Variants in SAMD11 observed in about 807,000 individuals in gnomAD.
SAMD11 encodes the protein sterile alpha motif domain containing 11, also known as sterile alpha motif domain-containing protein 11.
Under a neutral mutation model 64.4 loss-of-function variants are expected in SAMD11, and 77 were observed. The ratio of observed to expected loss-of-function variants is 1.20; its 90% CI spans 0.99 to 1.44. The LOEUF (loss-of-function observed/expected upper bound fraction) is 1.44, where lower values mean the gene tolerates loss of function less well. Ranked by LOEUF, SAMD11 falls within the 40% of genes most tolerant of loss-of-function variation. The pLI, the probability that SAMD11 is intolerant of heterozygous loss-of-function variation, is 0.00. For synonymous variants in SAMD11, 658 were observed against 421.9 expected, an observed-to-expected ratio of 1.56 and a Z score of -6.86; for missense variants, 1,402 against 943.3, an observed-to-expected ratio of 1.49 and a Z score of -6.37.
chr1:943,719 G>C lies in SAMD11; in HGVS notation c.2200G>C (p.Asp734His), dbSNP rs750549982. ...YTRVFREQGI[D>H]GETLPLLTEE... ...CCAGGTCTTCAGGGAGCAGGGGATCGACGGGGAGACCCTGCCACTGCTGAC... is the reference window on the plus strand; with the variant it reads ...CCAGGTCTTCAGGGAGCAGGGGATCCACGGGGAGACCCTGCCACTGCTGAC... Residue 734 changes from aspartate to histidine, a missense_variant, in exon 13 of 14, where the codon GAC (aspartate) becomes CAC (histidine). Coordinates refer to ENST00000616016, the MANE Select transcript of SAMD11 (RefSeq NM_001385641.1). 6.3e-6 allele frequency: 10 copies of C among 1,593,884 alleles called. No homozygotes were observed. Among genetic ancestry groups the C allele is most frequent in the East Asian group, 4.5e-5 (2 of 44,494 alleles).
rs140751899 is a variant in SAMD11, at chr1:930,282, G to T, written c.737G>T (p.Arg246Leu). The T allele has an allele frequency of 6.2e-7, 1 of 1,608,532 alleles. No homozygotes were observed. Among genetic ancestry groups the T allele is most frequent in the East Asian group, 2.2e-5 (1 of 44,718 alleles). ...DSDGSGPTCG[R>L]RPGLKQEDGP... ...GACGGGAGTGGCCCCACCTGTGGGC[G>T]GCGGCCAGGCTTGAAGCAGGAGGAT... is the stretch of plus-strand genomic sequence containing the variant. Residue 246 changes from arginine to leucine, a missense_variant, in exon 3 of 14, where the codon CGG becomes CTG. Coordinates refer to ENST00000616016, the MANE Select transcript of SAMD11 (RefSeq NM_001385641.1).
chr1:928,050 C>T (rs1312705352), intron 2 of SAMD11, among the ~76,000 whole-genome samples: 1 of 152,248 alleles, frequency 6.6e-6, no homozygotes, highest in Non-Finnish European at 1.5e-5. Context: ...TCTTCCCCAT[C>T]CCACAGACAA....
intron 2 of SAMD11, among the ~76,000 whole-genome samples, chr1:929,850 C>A (rs967870786): frequency 6.6e-6 from 1 of 152,146 alleles, no homozygotes; most frequent in African/African-American, 2.4e-5. Context: ...TGGGGTGGGG[C>A]AGGGGAGGGC....
intron 2 of SAMD11, among the ~76,000 whole-genome samples, chr1:927,845 G>T (rs1213061485): frequency 6.6e-6 from 1 of 152,252 alleles, no homozygotes; most frequent in African/African-American, 2.4e-5. Flanking sequence ...CAGGGAAGCT[G>T]TCCTGGTCCT....
Position 943,402 on chromosome 1 carries a change from G to T in SAMD11, c.2178+25G>T, listed in dbSNP as rs1641932947. On this transcript the variant is annotated intron_variant, in intron 12 of 13. Coordinates refer to ENST00000616016, the MANE Select transcript of SAMD11 (RefSeq NM_001385641.1). ...GGTAAGGGGGGGCCCCAGTTCCTGG[G>T]GCGGGGCTGGAGCTGGCTGGCAGTC... is the stretch of plus-strand genomic sequence containing the variant. 3 of 1,508,542 alleles carry T rather than the reference G, an allele frequency of 2.0e-6. No individual in the cohort carries two copies. The South Asian group carries it at 3.9e-5, about 20-fold the overall frequency. 93.4% of individuals were successfully genotyped at this position (1,508,542 alleles called of 1,614,324 possible). A position where few individuals can be genotyped will look rare whatever the true frequency, so the allele number is the denominator to read the frequency against.
chr1:943,896 A>C lies in SAMD11; in HGVS notation c.2290-12A>C, dbSNP rs115454328. ...GGTGTGCGACAGCCCCCACCAGGCC[A>C]TCTCTCTGCAGGTGGCCAGGCGCCT... On this transcript the variant is annotated splice_polypyrimidine_tract_variant and intron_variant, in intron 13 of 13. Coordinates refer to ENST00000616016, the MANE Select transcript of SAMD11 (RefSeq NM_001385641.1). The C allele has an allele frequency of 1.5e-5, 24 of 1,612,930 alleles. No individual in the cohort carries two copies. The highest frequency in any genetic ancestry group is 1.1e-4 in the African/African-American group (8 of 75,032).
chr1:937,636 G>A (rs1368415579), intron 5 of SAMD11, among the ~76,000 whole-genome samples: 1 of 152,122 alleles, frequency 6.6e-6, no homozygotes, highest in Non-Finnish European at 1.5e-5. Flanking sequence ...GAGGCTGTGG[G>A]GGAGACGATG....
chr1:930,058 C>A, intron 2 of SAMD11, 97 bp from the exon 3 acceptor site: 1 of 1,397,488 alleles, frequency 7.2e-7, no homozygotes, highest in African/African-American at 1.4e-5. Flanking sequence ...GGCAGACCCC[C>A]GGGAGATGGA....
chr1:939,601 C>A (rs1641641512), intron 7 of SAMD11, 189 bp downstream of exon 7: 3 of 990,052 alleles, frequency 3.0e-6, no homozygotes, highest in Non-Finnish European at 4.4e-6. Context: ...CCCATGCCCC[C>A]TGGGGCGGGC....
intron 4 of SAMD11, among the ~76,000 whole-genome samples, chr1:935,128 G>A (rs1641361735): frequency 6.6e-6 from 1 of 152,126 alleles, no homozygotes; most frequent in South Asian, 2.1e-4. Context: ...GGCTGAATTA[G>A]CAAGAAGAGG....
chr1:943,727 GACCCTGCCACTGCTGACGGAGGAGC>G lies in SAMD11; in HGVS notation c.2212_2236del (p.Leu738CysfsTer2). On this transcript the variant is annotated frameshift_variant, in exon 13 of 14. Transcript: ENST00000616016. LOFTEE classifies it high-confidence loss of function. ...TCAGGGAGCAGGGGATCGACGGGGA[GACCCTGCCACTGCTGACGGAGGAGC>G]ACCTGCTGACCAACATGGGGCTGAA... The G allele has an allele frequency of 1.2e-6, 2 of 1,600,132 alleles. No homozygotes were observed. Among genetic ancestry groups the G allele is most frequent in the Non-Finnish European group, 1.7e-6 (2 of 1,172,018 alleles).
intron 2 of SAMD11, 75 bp downstream of exon 2, chr1:926,088 T>C: frequency 6.9e-7 from 1 of 1,449,394 alleles, no homozygotes; most frequent in Non-Finnish European, 9.6e-7. Flanking sequence ...TTCAGGGTTT[T>C]CAGGATCGAG....
chr1:925,405 GT>G (rs923397280), intron 1 of SAMD11, among the ~76,000 whole-genome samples: 5 of 45,058 alleles, frequency 1.1e-4, no homozygotes, highest in African/African-American at 1.6e-4. Context: ...CACACAACCT[GT>G]TTTGGCGCCT....
intron 12 of SAMD11, 120 bp from the exon 13 acceptor site, chr1:943,572 TCAAACC>T: frequency 1.5e-6 from 1 of 679,610 alleles, no homozygotes; most frequent in Non-Finnish European, 2.1e-6. Context: ...TGCCTGACAC[TCAAACC>T]CAACAGATCA....
At chr1:942,104 G>C in intron 8 of SAMD11, 32 bp from the exon 9 acceptor site, 2 of 651,314 alleles carry the variant, frequency 3.1e-6, no homozygotes, top group Non-Finnish European at 4.9e-6. Flanking sequence ...CGGGGGCGGG[G>C]GGGACGCCGC....
chr1:943,110 C>A, intron 11 of SAMD11, 52 bp downstream of exon 11: 1 of 1,553,840 alleles, frequency 6.4e-7, no homozygotes, highest in Admixed American at 1.8e-5. Context: ...ACTGGCAGGC[C>A]GCCTGTGGAA....
At chr1:927,187 G>A (rs1229507403) in intron 2 of SAMD11, among the ~76,000 whole-genome samples, 2 of 152,206 alleles carry the variant, frequency 1.3e-5, no homozygotes, top group Admixed American at 6.5e-5. Context: ...TGTGCAGACA[G>A]CCGGCAGCCC....
intron 4 of SAMD11, 73 bp from the exon 5 acceptor site, chr1:935,699 C>T (rs907784323): frequency 6.3e-7 from 1 of 1,598,036 alleles, no homozygotes; most frequent in Non-Finnish European, 8.5e-7. Flanking sequence ...GAGCTAGGCA[C>T]TCCCTGTGCC....
Position 929,045 on chromosome 1 carries a change from G to A in SAMD11, c.610-1110G>A, listed in dbSNP as rs1055304801. Among the ~76,000 whole-genome samples, 17 of 152,324 alleles carry A rather than the reference G, an allele frequency of 1.1e-4. No homozygotes were observed. In the East Asian group the frequency reaches 1.7e-3, roughly 16 times the overall value. ...GGCTCTGCCACCTCCCGGAGCCAGC[G>A]GCCTGTTACTACATTTAAAAAAGCC... On this transcript the variant is annotated intron_variant, in intron 2 of 13. Transcript: ENST00000616016.
Sources: gnomAD v4.1 joint callset for allele counts (sites outside exome capture counted in the v4.1 genomes callset) on GRCh38, gnomAD v4.1.1 for gene constraint, MANE v1.5 for transcripts, NCBI Gene and HGNC (gene_info 2026-07-23, HGNC 2026-07-21) for gene names.